Variants in MAD1L1 observed in about 807,000 individuals in gnomAD.
The protein encoded by MAD1L1 is mitotic spindle assembly checkpoint protein MAD1.
Under a neutral mutation model 96.9 loss-of-function variants are expected in MAD1L1, and 95 were observed. That is an observed-to-expected ratio of 0.98 (90% CI 0.83 to 1.16). The LOEUF (loss-of-function observed/expected upper bound fraction) is 1.16. Among genes scored for constraint, MAD1L1 ranks in the 50% most tolerant of loss-of-function variants. The pLI is 0.00. For synonymous variants in MAD1L1, 473 were observed against 396.6 expected (o/e 1.19, Z -2.29); for missense variants, 1,007 against 954.4 (o/e 1.06, Z -0.73).
At chr7:2,100,998 C>A (rs537779410) in intron 11 of MAD1L1, among the ~76,000 whole-genome samples, 1 of 152,212 alleles carries the variant, frequency 6.6e-6, no homozygotes, top group African/African-American at 2.4e-5. Flanking sequence ...CTCATTTGCA[C>A]GTGTCAGGGG....
rs569040562 is a variant in MAD1L1, at chr7:1,878,817, G to T, written c.1998+19383C>A. Among the ~76,000 whole-genome samples, 4 of 149,812 alleles carry T rather than the reference G, an allele frequency of 2.7e-5. No individual in the cohort carries two copies. In the South Asian group the frequency reaches 8.4e-4, roughly 31 times the overall value. On this transcript the variant is annotated intron_variant, in intron 18 of 18. Coordinates refer to ENST00000265854, the MANE Select transcript of MAD1L1 (RefSeq NM_001013836.2). ...AGATAAGGAAATATAAGGCATAAAA[G>T]TTGAAAAGGAAGACATAAAACTCTA...
chr7:2,002,563 G>T (rs889222190), intron 13 of MAD1L1, among the ~76,000 whole-genome samples: 4 of 152,122 alleles, frequency 2.6e-5, no homozygotes, highest in Non-Finnish European at 5.9e-5. Context: ...GACCTTCCAG[G>T]CAGAGGCCCC....
intron 17 of MAD1L1, among the ~76,000 whole-genome samples, chr7:1,928,929 G>A (rs565500622): frequency 1.3e-5 from 2 of 152,202 alleles, no homozygotes; most frequent in Non-Finnish European, 2.9e-5. Flanking sequence ...TGGGGCCAGC[G>A]CCAGCCAAGC....
At chr7:2,066,449 C>A (rs1172311188) in intron 12 of MAD1L1, among the ~76,000 whole-genome samples, 2 of 152,260 alleles carry the variant, frequency 1.3e-5, no homozygotes, top group Non-Finnish European at 2.9e-5. Flanking sequence ...AATCCTTCGT[C>A]AGGATAAACA....
At chr7:1,957,928 C>T (rs529180174) in intron 15 of MAD1L1, among the ~76,000 whole-genome samples, 4 of 152,332 alleles carry the variant, frequency 2.6e-5, no homozygotes, top group East Asian at 1.9e-4. Context: ...GAGTCCGTGG[C>T]GGCCCCTGCT....
chr7:1,922,435 A>G (rs1374425558), intron 17 of MAD1L1, among the ~76,000 whole-genome samples: 1 of 152,236 alleles, frequency 6.6e-6, no homozygotes, highest in Non-Finnish European at 1.5e-5. Flanking sequence ...CTATTGTGTA[A>G]TATTTACAGA....
chr7:2,221,249 C>G (rs1277515461), intron 5 of MAD1L1, among the ~76,000 whole-genome samples: 1 of 152,298 alleles, frequency 6.6e-6, no homozygotes, highest in Non-Finnish European at 1.5e-5. Context: ...CATGGAACCA[C>G]AGGTGCCCGC....
chr7:2,195,790 G>A (rs1791955973), intron 10 of MAD1L1, among the ~76,000 whole-genome samples: 1 of 152,254 alleles, frequency 6.6e-6, no homozygotes, highest in Non-Finnish European at 1.5e-5. Context: ...ACTGCCAGGA[G>A]GTGCTTGGCT....
In MAD1L1 at chr7:2,096,785, C is replaced by T. The variant is rs534142530; in HGVS notation, c.1074-27447G>A. Among the ~76,000 whole-genome samples, 115 of 152,250 alleles carry T rather than the reference C, an allele frequency of 7.6e-4. 1 individual carries two copies. Among genetic ancestry groups the T allele is most frequent in the African/African-American group, 2.6e-3 (108 of 41,562 alleles). ...GAGGGGGCAGGCTGCAGCTGCCCCA[C>T]GACCACCACCACCCCGCCCAGCAGA... On this transcript the variant is annotated intron_variant, in intron 11 of 18. Transcript: ENST00000265854.
At chr7:2,154,160 AAAAG>A (rs1213110799) in intron 10 of MAD1L1, among the ~76,000 whole-genome samples, 1 of 152,238 alleles carries the variant, frequency 6.6e-6, no homozygotes, top group Non-Finnish European at 1.5e-5. Flanking sequence ...ATCTCAAAAA[AAAAG>A]AAAGAATGAG....
intron 15 of MAD1L1, among the ~76,000 whole-genome samples, chr7:1,959,808 G>A (rs1314606777): frequency 6.6e-6 from 1 of 152,186 alleles, no homozygotes; most frequent in Non-Finnish European, 1.5e-5. Context: ...GCCTGCAGGT[G>A]AGGGAGGACG....
intron 18 of MAD1L1, among the ~76,000 whole-genome samples, chr7:1,866,149 G>T (rs1311623048): frequency 6.6e-6 from 1 of 152,230 alleles, no homozygotes; most frequent in African/African-American, 2.4e-5. Flanking sequence ...TGGGAGGGGG[G>T]CCAGAACGCC....
At chr7:1,842,189 G>A (rs964254681) in intron 18 of MAD1L1, among the ~76,000 whole-genome samples, 1 of 152,176 alleles carries the variant, frequency 6.6e-6, no homozygotes, top group African/African-American at 2.4e-5. Flanking sequence ...ACTCACAAAG[G>A]CTTTTAAAGC....
At chr7:2,057,530 A>G (rs941743836) in intron 12 of MAD1L1, among the ~76,000 whole-genome samples, 6 of 139,934 alleles carry the variant, frequency 4.3e-5, no homozygotes, top group African/African-American at 1.6e-4. Flanking sequence ...CGCCCCCCCA[A>G]AAAGAAGAAG....
intron 17 of MAD1L1, among the ~76,000 whole-genome samples, chr7:1,911,780 G>A (rs1182280289): frequency 3.9e-5 from 6 of 151,966 alleles, no homozygotes; most frequent in Admixed American, 6.6e-5. Context: ...TCTCCAGTCC[G>A]GCGTCACCTC....
chr7:1,938,387 G>C (rs1038235788), intron 16 of MAD1L1, among the ~76,000 whole-genome samples: 1 of 152,146 alleles, frequency 6.6e-6, no homozygotes, highest in African/African-American at 2.4e-5. Flanking sequence ...TACTCAAACA[G>C]GGTTCAGGAA....
intron 17 of MAD1L1, among the ~76,000 whole-genome samples, chr7:1,913,868 C>T (rs111281763): frequency 6.6e-5 from 10 of 152,248 alleles, no homozygotes; most frequent in South Asian, 4.1e-4. Flanking sequence ...CTGCAGGAAA[C>T]GCCACAGACT....
At chr7:1,869,337 A>C (rs549721702) in intron 18 of MAD1L1, among the ~76,000 whole-genome samples, 1 of 152,196 alleles carries the variant, frequency 6.6e-6, no homozygotes, top group African/African-American at 2.4e-5. Context: ...ACCTCGGCGC[A>C]GGCTCTTAGC....
intron 12 of MAD1L1, among the ~76,000 whole-genome samples, chr7:2,066,873 C>A (rs919120165): frequency 6.6e-6 from 1 of 152,244 alleles, no homozygotes; most frequent in Non-Finnish European, 1.5e-5. Flanking sequence ...CAGGCCCACA[C>A]GTGACCTGTC....
Sources: gnomAD v4.1 joint callset for allele counts (sites outside exome capture counted in the v4.1 genomes callset) on GRCh38, gnomAD v4.1.1 for gene constraint, MANE v1.5 for transcripts, NCBI Gene and HGNC (gene_info 2026-07-23, HGNC 2026-07-21) for gene names.